ATG5: variants seen among roughly 807,000 people sequenced by gnomAD.
The protein encoded by ATG5 is autophagy protein 5.
In ATG5, 14 loss-of-function variants were observed where a neutral mutation model predicts 36.5. The observed-to-expected ratio is 0.38, with a 90% CI of 0.25 to 0.60. The LOEUF is 0.60. ATG5 is among the 20% of genes least tolerant of loss of function. The pLI is 0.60. For missense variants in ATG5, 195 were observed against 326.7 expected (o/e 0.60, Z 3.11); for synonymous variants, 95 against 101.5 (o/e 0.94, Z 0.38).
intron 2 of ATG5, among the ~76,000 whole-genome samples, chr6:106,310,905 T>C (rs1026050284): frequency 6.6e-6 from 1 of 152,238 alleles, no homozygotes; most frequent in Non-Finnish European, 1.5e-5. Context: ...TACTGTCAGC[T>C]ACAATGGAAA....
chr6:106,323,032 G>C (rs182895236), intron 1 of ATG5, among the ~76,000 whole-genome samples: 26 of 152,018 alleles, frequency 1.7e-4, no homozygotes, highest in African/African-American at 5.5e-4. Context: ...CCATTCTCCT[G>C]CTTCAGCCTC....
At chr6:106,210,872 A>G (rs755705245) in intron 6 of ATG5, among the ~76,000 whole-genome samples, 1 of 152,202 alleles carries the variant, frequency 6.6e-6, no homozygotes, top group Non-Finnish European at 1.5e-5. Flanking sequence ...AATGAGTGTT[A>G]TAATTGTTCT....
chr6:106,299,680 A>G lies in ATG5; in HGVS notation c.237-6574T>C, dbSNP rs1769980. Among the ~76,000 whole-genome samples, 1,027 of 152,150 alleles carry G rather than the reference A, an allele frequency of 6.7e-3. 19 individuals are homozygous for G. Among genetic ancestry groups the G allele is most frequent in the African/African-American group, 0.023 (952 of 41,534 alleles). ...CATTACTCCATTTATGTGTGTGTGT[A>G]TGTTTGTGCATGTGTGCACATTGGC... On this transcript the variant is annotated intron_variant, in intron 3 of 7. Coordinates refer to ENST00000369076, the MANE Select transcript of ATG5 (RefSeq NM_004849.4).
chr6:106,234,138 C>G lies in ATG5; in HGVS notation c.573+14012G>C, dbSNP rs148574584. ...GAGGGGGGTGGAGTTCAAGATCAGG[C>G]AAGAGAAAAACATGTAAAGGAAGTA... On this transcript the variant is annotated intron_variant, in intron 6 of 7. Transcript: ENST00000369076. 1.1e-3 allele frequency among the ~76,000 whole-genome samples: 164 copies of G among 152,218 alleles called. 1 individual carries two copies. Among genetic ancestry groups the G allele is most frequent in the Non-Finnish European group, 1.3e-3 (90 of 68,018 alleles).
chr6:106,297,754 AC>A, intron 3 of ATG5, among the ~76,000 whole-genome samples: 1 of 141,178 alleles, frequency 7.1e-6, no homozygotes, highest in African/African-American at 2.7e-5. Flanking sequence ...ACACACACAC[AC>A]ACACACACAC....
chr6:106,270,190 A>G (rs1210097259), intron 5 of ATG5, among the ~76,000 whole-genome samples: 1 of 152,200 alleles, frequency 6.6e-6, no homozygotes, highest in East Asian at 1.9e-4. Flanking sequence ...CAAATGCATG[A>G]ACTCTAAAAA....
chr6:106,264,061 T>C (rs1194084678), intron 5 of ATG5, among the ~76,000 whole-genome samples: 2 of 152,092 alleles, frequency 1.3e-5, no homozygotes, highest in African/African-American at 4.8e-5. Flanking sequence ...TAAAGGAGCA[T>C]GTTCTAACCC....
chr6:106,214,574 T>C (rs1185857936), intron 6 of ATG5, among the ~76,000 whole-genome samples: 2 of 152,182 alleles, frequency 1.3e-5, no homozygotes, highest in Non-Finnish European at 2.9e-5. Flanking sequence ...ATCAGAATTA[T>C]ATCCACAATC....
rs1779284612 is a variant in ATG5 at position 106,267,848 on chromosome 6, TA to T, written c.478+11812del. On this transcript the variant is annotated intron_variant, in intron 5 of 7. Transcript: ENST00000369076. ...TATACAAAAATGAACTCAAGGTGGA[TA>T]AAAAGACTTAAATGTCAAGCCCAAA... Among the ~76,000 whole-genome samples, 3 of 152,148 alleles carry T rather than the reference TA, an allele frequency of 2.0e-5. No individual in the cohort carries two copies. In the South Asian group the frequency reaches 6.2e-4, roughly 32 times the overall value.
chr6:106,304,922 T>C (rs1228089064), intron 3 of ATG5, among the ~76,000 whole-genome samples: 1 of 152,092 alleles, frequency 6.6e-6, no homozygotes, highest in Non-Finnish European at 1.5e-5. Context: ...TGAAACCCTG[T>C]CTCTACTACA....
chr6:106,321,591 C>A (rs1771075552), intron 1 of ATG5, among the ~76,000 whole-genome samples: 1 of 152,124 alleles, frequency 6.6e-6, no homozygotes, highest in South Asian at 2.1e-4. Flanking sequence ...ATCTCCTGAC[C>A]TCATGATCCG....
chr6:106,303,438 A>G (rs1770294574), intron 3 of ATG5, among the ~76,000 whole-genome samples: 1 of 152,114 alleles, frequency 6.6e-6, no homozygotes, highest in Admixed American at 6.6e-5. Context: ...CTCCCCAAAA[A>G]GAAATCTCCA....
At chr6:106,283,905 T>C (rs1779979773) in intron 4 of ATG5, among the ~76,000 whole-genome samples, 1 of 152,372 alleles carries the variant, frequency 6.6e-6, no homozygotes, top group Non-Finnish European at 1.5e-5. Flanking sequence ...CACAAAGTTA[T>C]TTATTCAATT....
intron 4 of ATG5, among the ~76,000 whole-genome samples, chr6:106,291,673 C>T (rs1451644055): frequency 1.3e-5 from 2 of 152,206 alleles, no homozygotes. Context: ...TACCTTCCAA[C>T]ATTAACAGAA....
chr6:106,279,085 T>C (rs1183434742), intron 5 of ATG5, among the ~76,000 whole-genome samples: 1 of 152,212 alleles, frequency 6.6e-6, no homozygotes, highest in East Asian at 1.9e-4. Context: ...ATAAAATAAC[T>C]GTTTGAAGGC....
chr6:106,278,514 T>TA (rs1484867292), intron 5 of ATG5, among the ~76,000 whole-genome samples: 2 of 152,266 alleles, frequency 1.3e-5, no homozygotes, highest in Admixed American at 1.3e-4. Flanking sequence ...TTTATGTCAA[T>TA]AAGTTCACCT....
intron 6 of ATG5, among the ~76,000 whole-genome samples, chr6:106,231,495 T>G (rs1433557965): frequency 6.6e-6 from 1 of 152,112 alleles, no homozygotes; most frequent in East Asian, 1.9e-4. Context: ...GCCGCAGACA[T>G]TTGCTAACTT....
intron 2 of ATG5, among the ~76,000 whole-genome samples, chr6:106,309,963 T>C (rs1376944995): frequency 1.3e-5 from 2 of 152,150 alleles, no homozygotes; most frequent in African/African-American, 2.4e-5. Flanking sequence ...GGTATGGATA[T>C]ATCAGCTCCT....
intron 2 of ATG5, among the ~76,000 whole-genome samples, chr6:106,313,496 GTA>G (rs1770731314): frequency 6.6e-6 from 1 of 152,134 alleles, no homozygotes; most frequent in Admixed American, 6.5e-5. Flanking sequence ...ATCCAAATGA[GTA>G]TATGTGTTTT....
Sources: gnomAD v4.1 joint callset for allele counts (sites outside exome capture counted in the v4.1 genomes callset) on GRCh38, gnomAD v4.1.1 for gene constraint, MANE v1.5 for transcripts, NCBI Gene and HGNC (gene_info 2026-07-23, HGNC 2026-07-21) for gene names.